GALNTL6: variants seen among roughly 807,000 people sequenced by gnomAD.
GALNTL6 encodes the protein polypeptide N-acetylgalactosaminyltransferase-like 6.
In GALNTL6, 46 loss-of-function variants were observed where a neutral mutation model predicts 73.7. The ratio of observed to expected loss-of-function variants is 0.62; its 90% CI spans 0.49 to 0.80. GALNTL6 has a LOEUF of 0.80. GALNTL6 is among the 30% of genes least tolerant of loss of function. GALNTL6 has a pLI of 0.00. For synonymous variants in GALNTL6, 259 were observed against 263.7 expected, an observed-to-expected ratio of 0.98 and a Z score of 0.17; for missense variants, 604 against 755.0, an observed-to-expected ratio of 0.80 and a Z score of 2.34.
chr4:172,474,523 T>G (rs1733165026), intron 5 of GALNTL6, among the ~76,000 whole-genome samples: 1 of 152,156 alleles, frequency 6.6e-6, no homozygotes, highest in Non-Finnish European at 1.5e-5. Flanking sequence ...AAACATTTGT[T>G]GAATGACAGA....
At chr4:172,375,718 C>A (rs548191462) in intron 5 of GALNTL6, among the ~76,000 whole-genome samples, 8 of 152,278 alleles carry the variant, frequency 5.3e-5, no homozygotes, top group African/African-American at 1.9e-4. Flanking sequence ...GATTTAGTGG[C>A]CCTTACTGAT....
chr4:172,141,204 G>C (rs1056774856), intron 2 of GALNTL6, among the ~76,000 whole-genome samples: 9 of 152,030 alleles, frequency 5.9e-5, no homozygotes, highest in Non-Finnish European at 1.3e-4. Context: ...GTGCTGGATA[G>C]TAAGTGTTTA....
At chr4:172,009,025 G>A (rs543371199) in intron 2 of GALNTL6, among the ~76,000 whole-genome samples, 19 of 152,078 alleles carry the variant, frequency 1.2e-4, no homozygotes, top group African/African-American at 4.1e-4. Flanking sequence ...CATATTTCTG[G>A]TATTTCCATC....
intron 2 of GALNTL6, among the ~76,000 whole-genome samples, chr4:172,121,917 C>T (rs1276711149): frequency 6.7e-6 from 1 of 149,970 alleles, no homozygotes; most frequent in Non-Finnish European, 1.5e-5. Context: ...TAAAGGAAAC[C>T]AATTAAATAA....
At chr4:171,951,801 C>T (rs1396096913) in intron 2 of GALNTL6, among the ~76,000 whole-genome samples, 9 of 152,020 alleles carry the variant, frequency 5.9e-5, no homozygotes, top group African/African-American at 1.9e-4. Flanking sequence ...TTATACACTT[C>T]TACTAATAGT....
intron 2 of GALNTL6, among the ~76,000 whole-genome samples, chr4:171,993,176 TAA>T (rs1321294895): frequency 6.7e-6 from 1 of 148,222 alleles, no homozygotes; most frequent in African/African-American, 2.5e-5. Context: ...TAAACACATA[TAA>T]GATGATGAGA....
At chr4:172,039,650 A>G (rs1264417646) in intron 2 of GALNTL6, among the ~76,000 whole-genome samples, 1 of 152,140 alleles carries the variant, frequency 6.6e-6, no homozygotes, top group African/African-American at 2.4e-5. Context: ...AGAAGTAAAA[A>G]CAGCCTCTGG....
chr4:172,050,899 G>A (rs1361238563), intron 2 of GALNTL6, among the ~76,000 whole-genome samples: 3 of 152,028 alleles, frequency 2.0e-5, no homozygotes, highest in Non-Finnish European at 4.4e-5. Context: ...AAAGCAATGA[G>A]GAAAAAAGAA....
chr4:172,873,543 A>G (rs1051011782), intron 7 of GALNTL6, among the ~76,000 whole-genome samples: 2 of 152,196 alleles, frequency 1.3e-5, no homozygotes, highest in Non-Finnish European at 2.9e-5. Context: ...TCTTGTGAAC[A>G]TGTCTCAAAG....
chr4:173,007,107 A>G (rs965098799), intron 10 of GALNTL6, among the ~76,000 whole-genome samples: 7 of 152,078 alleles, frequency 4.6e-5, no homozygotes, highest in African/African-American at 1.7e-4. Context: ...TGAAATATGA[A>G]CTACTCTTTC....
chr4:172,768,027 A>C (rs1310090083), intron 5 of GALNTL6, among the ~76,000 whole-genome samples: 4 of 152,106 alleles, frequency 2.6e-5, no homozygotes, highest in Non-Finnish European at 5.9e-5. Flanking sequence ...TATTATTCTC[A>C]CGTTGCACAC....
chr4:172,747,080 A>G (rs1468943136), intron 5 of GALNTL6, among the ~76,000 whole-genome samples: 1 of 152,124 alleles, frequency 6.6e-6, no homozygotes, highest in Non-Finnish European at 1.5e-5. Flanking sequence ...GTCCACTTAC[A>G]ATACCATCAA....
intron 8 of GALNTL6, among the ~76,000 whole-genome samples, chr4:172,921,726 C>T (rs1246300448): frequency 6.8e-6 from 1 of 146,212 alleles, no homozygotes; most frequent in African/African-American, 2.5e-5. Context: ...ACCTGGGAGG[C>T]AGAGGTTGCA....
rs1417731469 is a variant in GALNTL6 at position 172,506,129 on chromosome 4, G to A, written c.553+157440G>A. Among the ~76,000 whole-genome samples, 2 of 54,076 alleles carry A rather than the reference G, an allele frequency of 3.7e-5. 1 individual carries two copies. The highest frequency in any genetic ancestry group is 9.3e-5 in the African/African-American group (2 of 21,498). The allele number at this position is 54,076 out of a possible 152,430, so 35.5% of individuals were successfully genotyped here. A position where few individuals can be genotyped will look rare whatever the true frequency, so the allele number is the denominator to read the frequency against. Reference sequence around the variant, plus strand: ...TATAGTTCCCCTTAACTGCTATATGGATAACAACCTGAACATTACGAGACA... The same window carrying A: ...TATAGTTCCCCTTAACTGCTATATGAATAACAACCTGAACATTACGAGACA... On this transcript the variant is annotated intron_variant, in intron 5 of 12. Coordinates refer to ENST00000506823, the MANE Select transcript of GALNTL6 (RefSeq NM_001034845.3).
chr4:172,250,311 T>A (rs1048868309), intron 3 of GALNTL6, among the ~76,000 whole-genome samples: 1 of 152,056 alleles, frequency 6.6e-6, no homozygotes, highest in African/African-American at 2.4e-5. Context: ...TTGCTTTTCA[T>A]TTTGTAGGCT....
chr4:172,737,597 G>A (rs947253989), intron 5 of GALNTL6, among the ~76,000 whole-genome samples: 2 of 152,098 alleles, frequency 1.3e-5, no homozygotes, highest in Non-Finnish European at 1.5e-5. Context: ...CTCACAAATT[G>A]CCATCTCATT....
At chr4:172,681,285 T>G (rs4695932) in intron 5 of GALNTL6, among the ~76,000 whole-genome samples, 20,467 of 152,104 alleles carry the variant, frequency 0.13, 1,640 homozygotes, top group East Asian at 0.25. Context: ...TTCTTTTCCT[T>G]TCTTTTGAAA....
chr4:172,970,236 G>T (rs1418773875), intron 10 of GALNTL6, among the ~76,000 whole-genome samples: 2 of 152,216 alleles, frequency 1.3e-5, no homozygotes, highest in African/African-American at 4.8e-5. Flanking sequence ...GTTCAGCTGT[G>T]CATGTATTGT....
At chr4:172,485,161 G>T (rs1166138332) in intron 5 of GALNTL6, among the ~76,000 whole-genome samples, 1 of 151,992 alleles carries the variant, frequency 6.6e-6, no homozygotes, top group Non-Finnish European at 1.5e-5. Context: ...AAACAATGAG[G>T]ATAACTTTAG....
Sources: allele counts gnomAD v4.1 joint callset (sites outside exome capture counted in the v4.1 genomes callset), GRCh38; gene constraint gnomAD v4.1.1; transcripts MANE v1.5; gene names NCBI Gene and HGNC (gene_info 2026-07-23, HGNC 2026-07-21).